Variants in SPEF2 observed in about 807,000 individuals in gnomAD.
SPEF2 encodes the protein sperm flagellar and cilia associated 2, also known as sperm flagella and cilia-associated protein 2.
A neutral mutation model predicts 224.6 loss-of-function variants in SPEF2; 187 were observed. The observed-to-expected ratio is 0.83, with a 90% CI of 0.74 to 0.94. SPEF2 has a LOEUF of 0.94. Ranked by LOEUF, SPEF2 falls within the 40% of genes least tolerant of loss-of-function variation. The pLI, the probability that SPEF2 is intolerant of heterozygous loss-of-function variation, is 0.00. For missense variants in SPEF2, 2,170 were observed against 2,135.6 expected (o/e 1.02, Z -0.32); for synonymous variants, 715 against 707.3 (o/e 1.01, Z -0.17).
At position 35,704,587 on chromosome 5, in the gene SPEF2, A is replaced by AT. The variant is rs1491295568; in HGVS notation, c.2433dup (p.Ile812TyrfsTer8). On this transcript the variant is annotated frameshift_variant, in exon 17 of 37. Coordinates refer to ENST00000356031, the MANE Select transcript of SPEF2 (RefSeq NM_024867.4). LOFTEE classifies it high-confidence loss of function. The stretch of plus-strand genomic sequence containing the variant: ...TTGTCCTATAAAACTGCTCACGAAG[A>AT]TATCAGTCAACGTGTAGCTGCTGAA... 5 of 1,612,808 alleles carry AT rather than the reference A, an allele frequency of 3.1e-6. No individual in the cohort carries two copies. Among genetic ancestry groups the AT allele is most frequent in the Non-Finnish European group, 4.2e-6 (5 of 1,179,270 alleles).
At chr5:35,723,145 C>A (rs1347051814) in intron 20 of SPEF2, among the ~76,000 whole-genome samples, 1 of 152,118 alleles carries the variant, frequency 6.6e-6, no homozygotes, top group Non-Finnish European at 1.5e-5. Context: ...CAAGGCTTCA[C>A]CCCAGTGAGC....
chr5:35,674,756 C>T (rs570956419), intron 10 of SPEF2, among the ~76,000 whole-genome samples: 1 of 152,092 alleles, frequency 6.6e-6, no homozygotes, highest in Non-Finnish European at 1.5e-5. Flanking sequence ...CCTCCAAGTA[C>T]CATCACATTG....
intron 6 of SPEF2, among the ~76,000 whole-genome samples, chr5:35,650,073 G>A (rs561767000): frequency 7.9e-5 from 12 of 152,184 alleles, no homozygotes; most frequent in Admixed American, 7.2e-4. Flanking sequence ...TACATCTTAC[G>A]AAATATGAGA....
chr5:35,695,936 G>C, intron 14 of SPEF2, 140 bp downstream of exon 14: 1 of 544,024 alleles, frequency 1.8e-6, no homozygotes. Context: ...TATAATATTA[G>C]CTCACCTGAC....
chr5:35,651,589 A>G (rs913969225), intron 6 of SPEF2, among the ~76,000 whole-genome samples: 1 of 152,222 alleles, frequency 6.6e-6, no homozygotes, highest in African/African-American at 2.4e-5. Flanking sequence ...TGGTTACAAT[A>G]TAGCACCCTT....
chr5:35,757,846 G>A (rs1750674392), intron 24 of SPEF2, among the ~76,000 whole-genome samples: 1 of 152,172 alleles, frequency 6.6e-6, no homozygotes, highest in Non-Finnish European at 1.5e-5. Context: ...GTTCTATAAT[G>A]TGAGACAATA....
chr5:35,803,678 G>A (rs573947247), intron 34 of SPEF2, among the ~76,000 whole-genome samples: 1 of 152,116 alleles, frequency 6.6e-6, no homozygotes, highest in Non-Finnish European at 1.5e-5. Context: ...TTTCCACTGT[G>A]TTCCAGTTTC....
chr5:35,649,258 G>A, intron 5 of SPEF2, 103 bp from the exon 6 acceptor site: 1 of 929,792 alleles, frequency 1.1e-6, no homozygotes, highest in Non-Finnish European at 1.6e-6. Context: ...TAATTACCTT[G>A]AATTAGTAGT....
intron 23 of SPEF2, 129 bp downstream of exon 23, chr5:35,740,396 A>G: frequency 8.2e-7 from 1 of 1,222,992 alleles, no homozygotes; most frequent in Non-Finnish European, 1.1e-6. Flanking sequence ...TGAACTATTA[A>G]CCAGGTAACT....
At chr5:35,629,458 G>T (rs959459291) in intron 2 of SPEF2, among the ~76,000 whole-genome samples, 1 of 151,946 alleles carries the variant, frequency 6.6e-6, no homozygotes, top group Non-Finnish European at 1.5e-5. Flanking sequence ...CGCCCGGCCT[G>T]TTCCTTCTTT....
intron 23 of SPEF2, among the ~76,000 whole-genome samples, chr5:35,747,287 A>G (rs1422135814): frequency 6.6e-6 from 1 of 152,138 alleles, no homozygotes; most frequent in Non-Finnish European, 1.5e-5. Flanking sequence ...AAAAAAAACC[A>G]AAAGTACACA....
intron 6 of SPEF2, among the ~76,000 whole-genome samples, chr5:35,651,758 C>T (rs1748217241): frequency 6.6e-6 from 1 of 152,164 alleles, no homozygotes; most frequent in African/African-American, 2.4e-5. Context: ...TCTGCAGCTG[C>T]CTTTTTCATA....
At position 35,686,137 on chromosome 5, in the gene SPEF2, T is replaced by A. The variant is rs188424594; in HGVS notation, c.1525-4900T>A. Among the ~76,000 whole-genome samples, 537 of 152,188 alleles carry A rather than the reference T, an allele frequency of 3.5e-3. 2 individuals are homozygous for A. The highest frequency in any genetic ancestry group is 0.017 in the Middle Eastern group (5 of 294). On this transcript the variant is annotated intron_variant, in intron 10 of 36. Coordinates refer to ENST00000356031, the MANE Select transcript of SPEF2 (RefSeq NM_024867.4). ...ATACAAGTGCTAATAGAATTGATCATCTGAGATACAATTTTGAGGAGACTT... is the reference window on the plus strand; with the variant it reads ...ATACAAGTGCTAATAGAATTGATCAACTGAGATACAATTTTGAGGAGACTT...
rs1193835477 is a variant in SPEF2 at position 35,641,771 on chromosome 5, C to T, written c.414+88C>T. The T allele has an allele frequency of 1.0e-5, 14 of 1,384,486 alleles. No homozygotes were observed. In the East Asian group the frequency reaches 1.2e-4, roughly 11 times the overall value. The allele number at this position is 1,384,486 out of a possible 1,614,324, so 85.8% of individuals were successfully genotyped here. A position where few individuals can be genotyped will look rare whatever the true frequency, so the allele number is the denominator to read the frequency against. On this transcript the variant is annotated intron_variant, in intron 3 of 36. Coordinates refer to ENST00000356031, the MANE Select transcript of SPEF2 (RefSeq NM_024867.4). ...AATGATATTGAATTCTCAAAGAAGC[C>T]TCATTAGGCATATATATCCTTTATG...
intron 21 of SPEF2, among the ~76,000 whole-genome samples, chr5:35,729,136 C>T (rs1318194512): frequency 6.6e-6 from 1 of 151,838 alleles, no homozygotes; most frequent in Non-Finnish European, 1.5e-5. Context: ...GTAGATCTTC[C>T]AGCATTCGGG....
chr5:35,755,666 A>G (rs559842093), intron 24 of SPEF2, among the ~76,000 whole-genome samples: 2 of 152,266 alleles, frequency 1.3e-5, no homozygotes, highest in East Asian at 1.9e-4. Flanking sequence ...TTGGAGTGCA[A>G]TGGTGCGATC....
intron 34 of SPEF2, among the ~76,000 whole-genome samples, chr5:35,802,789 G>C (rs1757600273): frequency 6.6e-6 from 1 of 152,172 alleles, no homozygotes; most frequent in African/African-American, 2.4e-5. Context: ...AGAGTAACAG[G>C]GAAGGGAAGT....
At chr5:35,737,132 G>A (rs1165512967) in intron 21 of SPEF2, among the ~76,000 whole-genome samples, 1 of 151,142 alleles carries the variant, frequency 6.6e-6, no homozygotes, top group Non-Finnish European at 1.5e-5. Context: ...CTTTTTTTTT[G>A]TCATATCCTC....
chr5:35,691,001 A>G (rs1754374728), intron 10 of SPEF2, 36 bp from the exon 11 acceptor site: 1 of 1,559,056 alleles, frequency 6.4e-7, no homozygotes, highest in Non-Finnish European at 8.8e-7. Context: ...TCCACTTTTC[A>G]GAATATTTCT....
Sources: gnomAD v4.1 joint callset for allele counts (sites outside exome capture counted in the v4.1 genomes callset) on GRCh38, gnomAD v4.1.1 for gene constraint, MANE v1.5 for transcripts, NCBI Gene and HGNC (gene_info 2026-07-23, HGNC 2026-07-21) for gene names.